The following CDYL2 variants were observed in gnomAD, a reference collection of about 807,000 sequenced individuals.
CDYL2 encodes the protein chromodomain Y-like protein 2.
Under a neutral mutation model 49.4 loss-of-function variants are expected in CDYL2, and 23 were observed. The ratio of observed to expected loss-of-function variants is 0.47; its 90% CI spans 0.34 to 0.66. CDYL2 has a LOEUF of 0.66. Ranked by LOEUF, CDYL2 falls within the 30% of genes least tolerant of loss-of-function variation. The probability of loss-of-function intolerance (pLI) is 0.01; values close to 1 mark genes in which losing one functional copy is unlikely to be tolerated. For synonymous variants in CDYL2, 360 were observed against 268.8 expected (o/e 1.34, Z -3.32); for missense variants, 678 against 656.4 (o/e 1.03, Z -0.36).
At chr16:80,698,665 T>A (rs1313599657) in intron 1 of CDYL2, among the ~76,000 whole-genome samples, 1 of 152,116 alleles carries the variant, frequency 6.6e-6, no homozygotes, top group Non-Finnish European at 1.5e-5. Context: ...AAGATCTGAT[T>A]GTTTCAAAGT....
At chr16:80,605,615 A>G (rs1368597023) in intron 6 of CDYL2, among the ~76,000 whole-genome samples, 1 of 151,274 alleles carries the variant, frequency 6.6e-6, no homozygotes, top group Non-Finnish European at 1.5e-5. Flanking sequence ...TTAATGAACA[A>G]TAATCATAGT....
rs140276438 is a variant in CDYL2, at chr16:80,791,745, A to C, written c.24+12405T>G. ...TTTCTCTGGATTGAATACATGCTGT[A>C]ACCAGAGAAATAGGAGGAGGTGAGA... On this transcript the variant is annotated intron_variant, in intron 1 of 6. Transcript: ENST00000570137. Among the ~76,000 whole-genome samples, 474 of 152,352 alleles carry C rather than the reference A, an allele frequency of 3.1e-3. 4 individuals are homozygous for C. The highest frequency in any genetic ancestry group is 4.7e-3 in the Non-Finnish European group (323 of 68,028).
At chr16:80,711,486 T>C (rs540557477) in intron 1 of CDYL2, among the ~76,000 whole-genome samples, 1 of 151,944 alleles carries the variant, frequency 6.6e-6, no homozygotes, top group Non-Finnish European at 1.5e-5. Context: ...AATAAAAGAG[T>C]TGACATTTCC....
At chr16:80,729,015 C>T (rs1365556442) in intron 1 of CDYL2, among the ~76,000 whole-genome samples, 1 of 151,812 alleles carries the variant, frequency 6.6e-6, no homozygotes, top group African/African-American at 2.4e-5. Context: ...ATGTAAAGAC[C>T]ATCGAGACTA....
intron 1 of CDYL2, among the ~76,000 whole-genome samples, chr16:80,740,855 A>AG (rs1905708832): frequency 6.6e-6 from 1 of 151,348 alleles, no homozygotes; most frequent in Admixed American, 6.6e-5. Flanking sequence ...AAAAAAAAAA[A>AG]AGAGGTTTTA....
At chr16:80,652,724 G>C (rs1450751039) in intron 2 of CDYL2, among the ~76,000 whole-genome samples, 1 of 152,166 alleles carries the variant, frequency 6.6e-6, no homozygotes, top group Non-Finnish European at 1.5e-5. Flanking sequence ...CTATAGACCT[G>C]ATAGGATGTG....
chr16:80,689,682 G>A (rs778265352), intron 1 of CDYL2, among the ~76,000 whole-genome samples: 4 of 152,212 alleles, frequency 2.6e-5, no homozygotes, highest in Non-Finnish European at 5.9e-5. Context: ...CGGAAGTGAC[G>A]CATACAATAA....
chr16:80,767,815 C>G (rs562616685), intron 1 of CDYL2, among the ~76,000 whole-genome samples: 1 of 152,294 alleles, frequency 6.6e-6, no homozygotes, highest in South Asian at 2.1e-4. Flanking sequence ...TCTAGCTTTT[C>G]TAAAAAGTAC....
intron 2 of CDYL2, among the ~76,000 whole-genome samples, chr16:80,667,268 G>A (rs1020836776): frequency 2.6e-5 from 4 of 152,118 alleles, no homozygotes; most frequent in Admixed American, 2.0e-4. Context: ...CTGACTACCC[G>A]AGGAATTCCC....
chr16:80,734,151 A>G (rs974391178), intron 1 of CDYL2, among the ~76,000 whole-genome samples: 2 of 152,216 alleles, frequency 1.3e-5, no homozygotes, highest in Non-Finnish European at 2.9e-5. Flanking sequence ...GATGGACTAT[A>G]TTAGGGAATC....
At chr16:80,715,155 T>C (rs1904754476) in intron 1 of CDYL2, among the ~76,000 whole-genome samples, 1 of 152,094 alleles carries the variant, frequency 6.6e-6, no homozygotes, top group South Asian at 2.1e-4. Flanking sequence ...ACCCAAGCCA[T>C]GGATCTAACA....
intron 2 of CDYL2, among the ~76,000 whole-genome samples, chr16:80,643,600 A>G (rs1440166570): frequency 6.6e-6 from 1 of 152,220 alleles, no homozygotes; most frequent in East Asian, 1.9e-4. Flanking sequence ...ACATCTTCTG[A>G]AATCTAGGTG....
chr16:80,804,074 C>G, intron 1 of CDYL2, 76 bp downstream of exon 1: 1 of 941,680 alleles, frequency 1.1e-6, no homozygotes, highest in Middle Eastern at 5.4e-4. Context: ...GGCCCCGGCC[C>G]GGTCCCCGCC....
chr16:80,736,085 G>T (rs1165356710), intron 1 of CDYL2, among the ~76,000 whole-genome samples: 1 of 152,240 alleles, frequency 6.6e-6, no homozygotes, highest in Non-Finnish European at 1.5e-5. Flanking sequence ...CCTTGAGACT[G>T]TGGAACTCCC....
At chr16:80,762,173 G>C (rs563206994) in intron 1 of CDYL2, among the ~76,000 whole-genome samples, 1 of 152,168 alleles carries the variant, frequency 6.6e-6, no homozygotes, top group East Asian at 1.9e-4. Context: ...ACAAGAGTGA[G>C]ACTTGTCTCA....
intron 1 of CDYL2, among the ~76,000 whole-genome samples, chr16:80,771,550 C>A (rs546963261): frequency 4.6e-5 from 7 of 152,192 alleles, no homozygotes; most frequent in African/African-American, 1.7e-4. Flanking sequence ...CCAAAAAATA[C>A]AAAAATTAGC....
rs1317821546 is a variant in CDYL2 at position 80,684,960 on chromosome 16, C to T, written c.194G>A (p.Arg65Lys). 6.2e-7 allele frequency: 1 copy of T among 1,614,208 alleles called. No homozygotes were observed. Among genetic ancestry groups the T allele is most frequent in the Admixed American group, 1.7e-5 (1 of 60,024 alleles). ...FNGLHMSKDKRIKSGKQSSTS... is the reference protein window; with the variant it reads ...FNGLHMSKDKKIKSGKQSSTS... ...ACTGGACTGCTTCCCTGACTTGATC[C>T]TCTTGTCCTTGGACATGTGCAACCC... The change falls in exon 2 of 7, where the codon AGG becomes AAG. Residue 65 changes from arginine to lysine, a missense_variant. Around this residue, in one of 3 missense-constraint regions of CDYL2, gnomAD observed 478 missense variants for 427.0 expected, o/e 1.12. Coordinates refer to ENST00000570137, the MANE Select transcript of CDYL2 (RefSeq NM_152342.4).
At position 80,716,345 on chromosome 16, in the gene CDYL2, T is replaced by C. The variant is rs112739321; in HGVS notation, c.25-31216A>G. On this transcript the variant is annotated intron_variant, in intron 1 of 6. Transcript: ENST00000570137. ...CATGTCTGGTTTTGCTCACACTATATGCCAAGACTTACCACAGCTCCTGAC... is the reference window on the plus strand; with the variant it reads ...CATGTCTGGTTTTGCTCACACTATACGCCAAGACTTACCACAGCTCCTGAC... Among the ~76,000 whole-genome samples, 1,199 of 152,348 alleles carry C rather than the reference T, an allele frequency of 7.9e-3. 22 individuals are homozygous for C. The highest frequency in any genetic ancestry group is 0.027 in the African/African-American group (1,113 of 41,576).
chr16:80,774,789 G>A lies in CDYL2; in HGVS notation c.24+29361C>T, dbSNP rs189854544. Among the ~76,000 whole-genome samples the A allele has an allele frequency of 7.9e-5, 12 of 151,936 alleles. No individual in the cohort carries two copies. In the East Asian group the frequency reaches 1.4e-3, roughly 17 times the overall value. On this transcript the variant is annotated intron_variant, in intron 1 of 6. Coordinates refer to ENST00000570137, the MANE Select transcript of CDYL2 (RefSeq NM_152342.4). ...AAACACAGTATACTCAAGGTCAATA[G>A]GAAGGTCAGAATGAGCAAAGCACAA...
Sources: allele counts gnomAD v4.1 joint callset (sites outside exome capture counted in the v4.1 genomes callset), GRCh38; gene constraint gnomAD v4.1.1; regional missense constraint gnomAD v4.1.1; transcripts MANE v1.5; gene names NCBI Gene and HGNC (gene_info 2026-07-23, HGNC 2026-07-21).